Variants in TBC1D22A observed in about 807,000 individuals in gnomAD.
TBC1D22A encodes the protein TBC1 domain family member 22A, also known as putative GTPase activator.
A neutral mutation model predicts 60.2 loss-of-function variants in TBC1D22A; 38 were observed. That is an observed-to-expected ratio of 0.63 (90% CI 0.49 to 0.83). The LOEUF (loss-of-function observed/expected upper bound fraction) is 0.83, where lower values mean the gene tolerates loss of function less well. TBC1D22A is among the 40% of genes least tolerant of loss of function. The pLI, the probability that TBC1D22A is intolerant of heterozygous loss-of-function variation, is 0.00. For missense variants in TBC1D22A, 628 were observed against 701.0 expected (o/e 0.90, Z 1.18); for synonymous variants, 302 against 281.7 (o/e 1.07, Z -0.72).
intron 4 of TBC1D22A, among the ~76,000 whole-genome samples, chr22:46,819,140 T>C (rs944415933): frequency 6.6e-6 from 1 of 152,182 alleles, no homozygotes; most frequent in African/African-American, 2.4e-5. Context: ...TGGGCTGAGC[T>C]GATGGGGTTT....
At chr22:47,031,515 G>A (rs913892282) in intron 10 of TBC1D22A, among the ~76,000 whole-genome samples, 1 of 152,216 alleles carries the variant, frequency 6.6e-6, no homozygotes, top group Non-Finnish European at 1.5e-5. Context: ...CTTGTGACCG[G>A]GTGCTCTTGC....
At chr22:46,770,500 G>C (rs937405276) in intron 1 of TBC1D22A, among the ~76,000 whole-genome samples, 36 of 152,232 alleles carry the variant, frequency 2.4e-4, no homozygotes, top group African/African-American at 8.7e-4. Context: ...ACTGTGCCGA[G>C]GGATGTCTGA....
At chr22:47,075,243 C>CAAA (rs1569421606) in intron 11 of TBC1D22A, among the ~76,000 whole-genome samples, 1 of 103,524 alleles carries the variant, frequency 9.7e-6, no homozygotes, top group African/African-American at 4.0e-5. Context: ...AAAAGAGAAC[C>CAAA]AAAGTACTAA....
chr22:47,098,961 A>T (rs1275710634), intron 11 of TBC1D22A, among the ~76,000 whole-genome samples: 1 of 152,218 alleles, frequency 6.6e-6, no homozygotes, highest in Non-Finnish European at 1.5e-5. Flanking sequence ...GCTTGCACAC[A>T]GTAGCCCCAA....
intron 4 of TBC1D22A, among the ~76,000 whole-genome samples, chr22:46,800,448 C>G (rs1004393233): frequency 1.3e-5 from 2 of 152,070 alleles, no homozygotes; most frequent in Non-Finnish European, 2.9e-5. Flanking sequence ...AGTGCCCCTT[C>G]TCTGCTGGCT....
rs5769147 is a variant in TBC1D22A, at chr22:46,777,018, G to T, written c.62+14170G>T. Among the ~76,000 whole-genome samples the T allele has an allele frequency of 0.5, 76,425 of 151,876 alleles. 19,739 individuals are homozygous for T. Among genetic ancestry groups the T allele is most frequent in the Middle Eastern group, 0.66 (193 of 294 alleles). On this transcript the variant is annotated intron_variant, in intron 1 of 12. Coordinates refer to ENST00000337137, the MANE Select transcript of TBC1D22A (RefSeq NM_014346.5). This position sits in a 1 kb window ranked among gnomAD's most constrained non-coding sequence, Gnocchi z 4.5. The stretch of plus-strand genomic sequence containing the variant: ...CTGTCATGTTCTTCTCAGGAGCAGG[G>T]GATGGGTCAGGGCCAGGGCTGATGG...
intron 4 of TBC1D22A, among the ~76,000 whole-genome samples, chr22:46,813,647 G>T (rs1327666328): frequency 1.3e-5 from 2 of 152,236 alleles, no homozygotes; most frequent in Non-Finnish European, 1.5e-5. Context: ...TAGAACTAGG[G>T]AGGGTTAGGG....
intron 12 of TBC1D22A, among the ~76,000 whole-genome samples, chr22:47,161,814 C>T (rs1277081912): frequency 1.3e-5 from 2 of 152,234 alleles, no homozygotes; most frequent in Non-Finnish European, 2.9e-5. Flanking sequence ...CTAGCGTCCG[C>T]GAATACCCAG....
intron 8 of TBC1D22A, among the ~76,000 whole-genome samples, chr22:46,924,487 T>G (rs778669370): frequency 6.6e-6 from 1 of 152,218 alleles, no homozygotes; most frequent in Non-Finnish European, 1.5e-5. Context: ...CCGGGTGCGG[T>G]GGCTCACGCT....
chr22:47,014,350 G>A lies in TBC1D22A; in HGVS notation c.1201+16641G>A, dbSNP rs562672049. 7.9e-5 allele frequency among the ~76,000 whole-genome samples: 12 copies of A among 152,296 alleles called. No individual in the cohort carries two copies. In the East Asian group the frequency reaches 1.7e-3, roughly 22 times the overall value. ...GGGACGGGGAGAGGTGAATACAGGT[G>A]TCCAGAGCCCTCTGATGACTCCCAT... On this transcript the variant is annotated intron_variant, in intron 10 of 12. Transcript: ENST00000337137.
At chr22:46,964,898 G>A (rs2073722629) in intron 8 of TBC1D22A, among the ~76,000 whole-genome samples, 1 of 152,260 alleles carries the variant, frequency 6.6e-6, no homozygotes, top group African/African-American at 2.4e-5. Flanking sequence ...AGGGGCCACA[G>A]CCACGCTGGG....
chr22:46,819,842 A>T (rs966718907), intron 4 of TBC1D22A, among the ~76,000 whole-genome samples: 2 of 152,206 alleles, frequency 1.3e-5, no homozygotes, highest in African/African-American at 4.8e-5. Flanking sequence ...TTCTGGTAGA[A>T]TTCAACTGTG....
intron 11 of TBC1D22A, among the ~76,000 whole-genome samples, chr22:47,103,415 C>A (rs1442433541): frequency 6.6e-6 from 1 of 152,200 alleles, no homozygotes; most frequent in Non-Finnish European, 1.5e-5. Context: ...AACCCAGGAG[C>A]ATTCCCTCGT....
chr22:47,086,170 T>C (rs1321502655), intron 11 of TBC1D22A, among the ~76,000 whole-genome samples: 1 of 152,190 alleles, frequency 6.6e-6, no homozygotes, highest in East Asian at 1.9e-4. Flanking sequence ...AAATTAAAAC[T>C]GTAGCCATGG....
At chr22:47,015,465 A>C (rs372843351) in intron 10 of TBC1D22A, among the ~76,000 whole-genome samples, 4 of 152,174 alleles carry the variant, frequency 2.6e-5, no homozygotes, top group African/African-American at 9.7e-5. Context: ...CTCCCTTCTA[A>C]TTTCGAGGAA....
At chr22:46,791,396 T>C (rs769930703) in intron 1 of TBC1D22A, among the ~76,000 whole-genome samples, 2 of 152,222 alleles carry the variant, frequency 1.3e-5, no homozygotes, top group Non-Finnish European at 2.9e-5. Context: ...AGCCCCATGC[T>C]GTTTCCTGCC....
rs2084528727 is a variant in TBC1D22A, at chr22:46,793,775, T to C, written c.394T>C (p.Ser132Pro). The C allele has an allele frequency of 1.9e-6, 3 of 1,603,460 alleles. No individual in the cohort carries two copies. Among genetic ancestry groups the C allele is most frequent in the Non-Finnish European group, 2.6e-6 (3 of 1,175,916 alleles). Residue 132 changes from serine to proline, a missense_variant, in exon 3 of 13, where the codon TCA (serine) becomes CCA (proline). By Grantham distance (74) the Ser-to-Pro change is moderately conservative (BLOSUM62 -1). Coordinates refer to ENST00000337137, the MANE Select transcript of TBC1D22A (RefSeq NM_014346.5). ...GCCCAGGCCCGAGGCAGAGCCGCCC[T>C]CACCCCCCAGCGGCGACCTCCGGCT... ...QKPRPEAEPPSPPSGDLRLVK... is the reference protein window; with the variant it reads ...QKPRPEAEPPPPPSGDLRLVK...
At chr22:47,030,002 C>T (rs970700515) in intron 10 of TBC1D22A, among the ~76,000 whole-genome samples, 1 of 152,218 alleles carries the variant, frequency 6.6e-6, no homozygotes, top group Non-Finnish European at 1.5e-5. Context: ...TGTTGGGGAC[C>T]TGGCTTTTCT....
At chr22:46,936,158 A>G (rs935062194) in intron 8 of TBC1D22A, among the ~76,000 whole-genome samples, 47 of 152,230 alleles carry the variant, frequency 3.1e-4, no homozygotes, top group African/African-American at 1.1e-3. Context: ...CTTGACACTC[A>G]TGGTTCTTTC....
Sources: gnomAD v4.1 joint callset for allele counts (sites outside exome capture counted in the v4.1 genomes callset) on GRCh38, gnomAD v4.1.1 for gene constraint, Gnocchi (gnomAD v3.1) non-coding constraint, MANE v1.5 for transcripts, NCBI Gene and HGNC (gene_info 2026-07-23, HGNC 2026-07-21) for gene names.